The following ZMIZ1 variants were observed in gnomAD, a reference collection of about 807,000 sequenced individuals.
ZMIZ1 encodes zinc finger MIZ-type containing 1, also known as zinc finger MIZ domain-containing protein 1.
Under a neutral mutation model 113.9 loss-of-function variants are expected in ZMIZ1, and 17 were observed. That is an observed-to-expected ratio of 0.15 (90% CI 0.10 to 0.22). The LOEUF is 0.22. Among genes scored for constraint, ZMIZ1 ranks in the 10% least tolerant of loss-of-function variants. The pLI is 1.00. For missense variants in ZMIZ1, 1,059 were observed against 1,477.8 expected, an observed-to-expected ratio of 0.72 and a Z score of 4.65; for synonymous variants, 607 against 603.1, an observed-to-expected ratio of 1.01 and a Z score of -0.09.
intron 1 of ZMIZ1, among the ~76,000 whole-genome samples, chr10:79,114,054 C>T (rs1010637151): frequency 3.3e-5 from 5 of 152,184 alleles, no homozygotes; most frequent in Non-Finnish European, 7.3e-5. Context: ...CTCCTACCCC[C>T]GATCCCCTCT....
chr10:79,098,672 A>G (rs532530410), intron 1 of ZMIZ1, among the ~76,000 whole-genome samples: 10 of 152,372 alleles, frequency 6.6e-5, no homozygotes, highest in Non-Finnish European at 1.2e-4. Context: ...ACAGCCGCCC[A>G]GAAGCAGAAC....
intron 7 of ZMIZ1, among the ~76,000 whole-genome samples, chr10:79,266,951 C>T (rs1851641096): frequency 6.6e-6 from 1 of 152,246 alleles, no homozygotes; most frequent in Non-Finnish European, 1.5e-5. Context: ...CTGCCCGTCT[C>T]CCACCTCCTT....
chr10:79,077,774 T>A (rs957667898), intron 1 of ZMIZ1, among the ~76,000 whole-genome samples: 1 of 152,252 alleles, frequency 6.6e-6, no homozygotes, highest in Non-Finnish European at 1.5e-5. Context: ...GGTGTAGTAA[T>A]AACTAACATA....
intron 1 of ZMIZ1, among the ~76,000 whole-genome samples, chr10:79,111,206 C>G (rs941685589): frequency 6.6e-6 from 1 of 152,126 alleles, no homozygotes; most frequent in Non-Finnish European, 1.5e-5. Context: ...ACTGAAGAAA[C>G]GAGGCCCTGG....
intron 1 of ZMIZ1, among the ~76,000 whole-genome samples, chr10:79,114,003 C>T (rs1589286431): frequency 2.0e-5 from 3 of 152,278 alleles, no homozygotes; most frequent in Admixed American, 6.5e-5. Context: ...GAAGAGGAGG[C>T]GGGAGTTTGC....
intron 3 of ZMIZ1, among the ~76,000 whole-genome samples, chr10:79,150,940 C>T (rs1845689045): frequency 6.6e-6 from 1 of 152,068 alleles, no homozygotes; most frequent in South Asian, 2.1e-4. Context: ...GCTCTCTGAC[C>T]CATGACCCAC....
chr10:79,144,211 G>C lies in ZMIZ1; in HGVS notation c.-131+4434G>C, dbSNP rs113078023. On this transcript the variant is annotated intron_variant, in intron 3 of 24. Transcript: ENST00000334512. ...TGCTTTGGTGACATCAGGCGGGACT[G>C]GACTGGACTTACCTCCATTGAACTG... 3.3e-5 allele frequency among the ~76,000 whole-genome samples: 5 copies of C among 152,320 alleles called. 1 individual carries two copies. Among genetic ancestry groups the C allele is most frequent in the African/African-American group, 1.2e-4 (5 of 41,556 alleles).
intron 7 of ZMIZ1, among the ~76,000 whole-genome samples, chr10:79,261,930 A>G (rs933799391): frequency 6.6e-6 from 1 of 152,188 alleles, no homozygotes; most frequent in Admixed American, 6.5e-5. Flanking sequence ...CATGTGCCTG[A>G]CACCCTTGTA....
intron 2 of ZMIZ1, among the ~76,000 whole-genome samples, chr10:79,123,763 A>G (rs1050991188): frequency 5.3e-5 from 8 of 152,118 alleles, no homozygotes; most frequent in Non-Finnish European, 8.8e-5. Context: ...TGCACACCCT[A>G]AGTTGTCAGT....
At chr10:79,209,710 G>A (rs566004731) in intron 6 of ZMIZ1, among the ~76,000 whole-genome samples, 119 of 152,346 alleles carry the variant, frequency 7.8e-4, no homozygotes, top group Middle Eastern at 3.4e-3. Context: ...CAGGGAGCCG[G>A]CCCACAGAAT....
chr10:79,127,028 C>A (rs1844540216), intron 2 of ZMIZ1, among the ~76,000 whole-genome samples: 1 of 152,328 alleles, frequency 6.6e-6, no homozygotes, highest in South Asian at 2.1e-4. Context: ...ACCTGGGTCC[C>A]AGGATAAAAT....
chr10:79,232,731 C>A (rs531027620), intron 7 of ZMIZ1, among the ~76,000 whole-genome samples: 1 of 152,296 alleles, frequency 6.6e-6, no homozygotes, highest in Admixed American at 6.5e-5. Context: ...CAAAATACTG[C>A]ATGCACATCC....
intron 6 of ZMIZ1, among the ~76,000 whole-genome samples, chr10:79,208,971 A>G (rs1444881889): frequency 2.0e-5 from 3 of 152,150 alleles, no homozygotes; most frequent in Non-Finnish European, 4.4e-5. Context: ...ATAAGGCTTC[A>G]CCGAGCCTGG....
chr10:79,310,605 GC>G (rs1855071887), intron 23 of ZMIZ1, among the ~76,000 whole-genome samples: 1 of 152,050 alleles, frequency 6.6e-6, no homozygotes, highest in Non-Finnish European at 1.5e-5. Context: ...CGTTGTCTGG[GC>G]GGGGAGGTGG....
chr10:79,245,827 C>A (rs1414464357), intron 7 of ZMIZ1, among the ~76,000 whole-genome samples: 1 of 152,098 alleles, frequency 6.6e-6, no homozygotes, highest in Non-Finnish European at 1.5e-5. Flanking sequence ...TTAAGCTTAT[C>A]CTTGGCACTA....
chr10:79,196,957 G>A (rs932167637), intron 4 of ZMIZ1, among the ~76,000 whole-genome samples: 1 of 152,204 alleles, frequency 6.6e-6, no homozygotes, highest in African/African-American at 2.4e-5. Context: ...GTGAGGGAGA[G>A]GACGGAGGGC....
intron 14 of ZMIZ1, 138 bp downstream of exon 14, chr10:79,297,828 G>A: frequency 1.4e-6 from 1 of 700,066 alleles, no homozygotes; most frequent in South Asian, 1.8e-5. Context: ...CCCCTGTCCT[G>A]GGGACAGAGA....
intron 3 of ZMIZ1, among the ~76,000 whole-genome samples, chr10:79,145,344 T>TGCCCGCGCGACAGA (rs11268036): frequency 0.88 from 133,268 of 151,830 alleles, 58,862 homozygotes; most frequent in Non-Finnish European, 0.9. Context: ...CATTCCGGAG[T>TGCCCGCGCGACAGA]GCCTGCGAGG....
At chr10:79,230,110 C>T (rs922624624) in intron 7 of ZMIZ1, among the ~76,000 whole-genome samples, 3 of 152,226 alleles carry the variant, frequency 2.0e-5, no homozygotes, top group Middle Eastern at 3.4e-3. Context: ...AGGCTCCGGC[C>T]GAGCAAAACA....
Sources: allele counts gnomAD v4.1 joint callset (sites outside exome capture counted in the v4.1 genomes callset), GRCh38; gene constraint gnomAD v4.1.1; transcripts MANE v1.5; gene names NCBI Gene and HGNC (gene_info 2026-07-23, HGNC 2026-07-21).